The following TMED3 variants were observed in gnomAD, a reference collection of about 807,000 sequenced individuals.
TMED3 encodes transmembrane p24 trafficking protein 3.
In TMED3, 9 loss-of-function variants were observed where a neutral mutation model predicts 15.0. That is an observed-to-expected ratio of 0.60 (90% CI 0.36 to 1.04). TMED3 has a LOEUF of 1.04. Ranked by LOEUF, TMED3 falls within the 50% of genes least tolerant of loss-of-function variation. The pLI is 0.01. For missense variants in TMED3, 267 were observed against 278.9 expected (o/e 0.96, Z 0.30); for synonymous variants, 117 against 121.4 (o/e 0.96, Z 0.24).
exon 3 of TMED3, chr15:79,412,054 T>G (rs1893990386): frequency 7.2e-6 from 1 of 139,310 alleles, no homozygotes; most frequent in Non-Finnish European, 1.6e-5. Flanking sequence ...TCACAGCTCC[T>G]GTGCTGGCAA....
chr15:79,311,751 G>A (rs1051723615), intron 1 of TMED3, among the ~76,000 whole-genome samples: 9 of 152,034 alleles, frequency 5.9e-5, no homozygotes, highest in African/African-American at 2.2e-4. Flanking sequence ...AGTTCTGATC[G>A]GCTGGACACA....
intron 2 of TMED3, among the ~76,000 whole-genome samples, chr15:79,394,959 G>A (rs967145637): frequency 4.6e-5 from 7 of 152,122 alleles, no homozygotes; most frequent in African/African-American, 1.7e-4. Context: ...TGTTATTTAT[G>A]TATCCATAAA....
chr15:79,324,865 G>A (rs1595888930), downstream of TMED3, among the ~76,000 whole-genome samples: 1 of 152,188 alleles, frequency 6.6e-6, no homozygotes, highest in Non-Finnish European at 1.5e-5. Flanking sequence ...GGTCTGCTAT[G>A]TGCTACTTGT....
At chr15:79,405,965 TAG>T (rs2141259004) in intron 2 of TMED3, among the ~76,000 whole-genome samples, 1 of 152,360 alleles carries the variant, frequency 6.6e-6, no homozygotes, top group African/African-American at 2.4e-5. Context: ...GCCACAGTCC[TAG>T]AGCCTGAGGC....
intron 2 of TMED3, among the ~76,000 whole-genome samples, chr15:79,378,104 G>A (rs910672235): frequency 2.0e-5 from 3 of 152,138 alleles, no homozygotes; most frequent in East Asian, 3.9e-4. Context: ...TCAAAATTAC[G>A]AATGGAAATT....
At position 79,376,092 on chromosome 15, in the gene TMED3, GTTTTTTTTTTTTTTTT is replaced by G. The variant is rs199728545; in HGVS notation, c.418-35288_418-35273del. The stretch of plus-strand genomic sequence containing the variant: ...CTTACTTCATCTATTCTAGAGAAAG[GTTTTTTTTTTTTTTTT>G]TTTTTTTTTTTTTTTTTTTGAGACG... On this transcript the variant is annotated intron_variant, in intron 2 of 2. Transcript: ENST00000424155. Among the ~76,000 whole-genome samples, 424 of 112,078 alleles carry G rather than the reference GTTTTTTTTTTTTTTTT, an allele frequency of 3.8e-3. 2 individuals carry two copies. Among genetic ancestry groups the G allele is most frequent in the African/African-American group, 0.015 (402 of 27,488 alleles). 73.5% of individuals were successfully genotyped at this position (112,078 alleles called of 152,430 possible). A position where few individuals can be genotyped will look rare whatever the true frequency, so the allele number is the denominator to read the frequency against.
intron 2 of TMED3, among the ~76,000 whole-genome samples, chr15:79,370,098 A>ATTTCTTTTTT: frequency 6.8e-6 from 1 of 147,750 alleles, no homozygotes; most frequent in South Asian, 2.2e-4. Flanking sequence ...CTATATGTGC[A>ATTTCTTTTTT]TTTTTTTTTT....
chr15:79,348,962 C>G (rs1392507650), intron 2 of TMED3, among the ~76,000 whole-genome samples: 1 of 152,154 alleles, frequency 6.6e-6, no homozygotes, highest in African/African-American at 2.4e-5. Context: ...CTCCCCCACC[C>G]CCAGTAGATG....
intron 2 of TMED3, among the ~76,000 whole-genome samples, chr15:79,337,688 A>T (rs2058832167): frequency 6.6e-6 from 1 of 152,252 alleles, no homozygotes. Flanking sequence ...GAACGTGCAC[A>T]GAAGATTCCT....
intron 2 of TMED3, among the ~76,000 whole-genome samples, chr15:79,334,129 A>T (rs1256962503): frequency 6.6e-6 from 1 of 152,186 alleles, no homozygotes; most frequent in African/African-American, 2.4e-5. Context: ...AAAAAGGAAG[A>T]TCCCTGTCTT....
intron 2 of TMED3, among the ~76,000 whole-genome samples, chr15:79,403,660 G>A (rs1893864187): frequency 6.6e-6 from 1 of 152,180 alleles, no homozygotes; most frequent in Admixed American, 6.5e-5. Context: ...CTGCTGGCAT[G>A]AGAAACTCAA....
At chr15:79,324,729 A>G (rs2058781136), downstream of TMED3, among the ~76,000 whole-genome samples, 2 of 152,166 alleles carry the variant, frequency 1.3e-5, no homozygotes. Flanking sequence ...AGGAGAGGCT[A>G]TTTGCATCTG....
intron 2 of TMED3, among the ~76,000 whole-genome samples, chr15:79,367,875 AG>A (rs1340300192): frequency 1.2e-4 from 18 of 152,242 alleles, no homozygotes; most frequent in Non-Finnish European, 1.9e-4. Context: ...CAATTTGTTA[AG>A]GAAGAGAAGC....
intron 2 of TMED3, among the ~76,000 whole-genome samples, chr15:79,316,289 A>G (rs2058740192): frequency 6.6e-6 from 1 of 152,214 alleles, no homozygotes; most frequent in South Asian, 2.1e-4. Flanking sequence ...CTCCTAGGAG[A>G]GGACCTGGGC....
At chr15:79,393,878 G>T (rs564186228) in intron 2 of TMED3, among the ~76,000 whole-genome samples, 138 of 152,106 alleles carry the variant, frequency 9.1e-4, no homozygotes, top group African/African-American at 3.1e-3. Context: ...TAAATTTTTT[G>T]TAGAGACAGG....
At chr15:79,338,491 G>A (rs371802034) in intron 2 of TMED3, among the ~76,000 whole-genome samples, 21 of 152,124 alleles carry the variant, frequency 1.4e-4, no homozygotes, top group South Asian at 2.1e-4. Context: ...TACTGTGGGC[G>A]GCAAGCCACC....
chr15:79,339,013 C>T (rs1208245258), intron 2 of TMED3, among the ~76,000 whole-genome samples: 1 of 152,214 alleles, frequency 6.6e-6, no homozygotes, highest in Non-Finnish European at 1.5e-5. Flanking sequence ...AGGGGCCTGT[C>T]TCCCTGTGAT....
chr15:79,329,153 T>G (rs12441214), intron 2 of TMED3, among the ~76,000 whole-genome samples: 1 of 152,024 alleles, frequency 6.6e-6, no homozygotes, highest in Admixed American at 6.5e-5. Flanking sequence ...GGGGATTTTC[T>G]TCTGTGATTT....
chr15:79,360,591 A>G (rs765004639), intron 2 of TMED3, among the ~76,000 whole-genome samples: 14 of 152,218 alleles, frequency 9.2e-5, no homozygotes, highest in Non-Finnish European at 2.1e-4. Flanking sequence ...GTCACTGTAA[A>G]ACAGACATCT....
Sources: allele counts gnomAD v4.1 joint callset (sites outside exome capture counted in the v4.1 genomes callset), GRCh38; gene constraint gnomAD v4.1.1; transcripts MANE v1.5; gene names NCBI Gene and HGNC (gene_info 2026-07-23, HGNC 2026-07-21).